Variants in WDPCP observed in about 807,000 individuals in gnomAD.
WDPCP encodes the protein WD repeat-containing and planar cell polarity effector protein fritz homolog.
WDPCP carries 71 observed loss-of-function variants against 93.1 expected under a neutral mutation model. The ratio of observed to expected loss-of-function variants is 0.76; its 90% CI spans 0.63 to 0.93. The LOEUF is 0.93. Ranked by LOEUF, WDPCP falls within the 40% of genes least tolerant of loss-of-function variation. WDPCP has a pLI of 0.00. For missense variants in WDPCP, 844 were observed against 887.4 expected, an observed-to-expected ratio of 0.95 and a Z score of 0.62; for synonymous variants, 315 against 315.0, an observed-to-expected ratio of 1.00 and a Z score of 0.00.
At chr2:63,622,675 G>T (rs907373822) in intron 3 of WDPCP, 1 of 1,613,714 alleles carries the variant, frequency 6.2e-7, no homozygotes, top group African/African-American at 1.3e-5. Flanking sequence ...AGGAGTCGCC[G>T]GGACAGCAGT....
chr2:63,343,685 C>A (rs896330534), intron 12 of WDPCP, among the ~76,000 whole-genome samples: 1 of 152,044 alleles, frequency 6.6e-6, no homozygotes, highest in Non-Finnish European at 1.5e-5. Flanking sequence ...CATATACAGA[C>A]TCTGTTCATT....
chr2:63,423,723 G>A (rs1244037393), intron 9 of WDPCP, among the ~76,000 whole-genome samples: 1 of 152,112 alleles, frequency 6.6e-6, no homozygotes, highest in Non-Finnish European at 1.5e-5. Context: ...GATAAAAGTT[G>A]GTTCAAGCTG....
chr2:63,303,447 G>C (rs1304980560), intron 13 of WDPCP, among the ~76,000 whole-genome samples: 1 of 152,140 alleles, frequency 6.6e-6, no homozygotes, highest in African/African-American at 2.4e-5. Flanking sequence ...CCAGGTATTT[G>C]ACTGATACGC....
intron 2 of WDPCP, among the ~76,000 whole-genome samples, chr2:63,774,384 C>G (rs1204121362): frequency 6.6e-6 from 1 of 152,042 alleles, no homozygotes; most frequent in Non-Finnish European, 1.5e-5. Flanking sequence ...TCTAAACTCC[C>G]TAGTATCAAT....
At chr2:63,491,127 A>G (rs1700849687) in intron 2 of WDPCP, among the ~76,000 whole-genome samples, 1 of 152,194 alleles carries the variant, frequency 6.6e-6, no homozygotes, top group Non-Finnish European at 1.5e-5. Context: ...AGAGACCTGT[A>G]TAACTTCAAA....
At chr2:63,480,405 CA>C (rs1283511013) in intron 6 of WDPCP, among the ~76,000 whole-genome samples, 1 of 151,886 alleles carries the variant, frequency 6.6e-6, no homozygotes, top group Admixed American at 6.6e-5. Context: ...CATATGGAAC[CA>C]AAAAAGGGCC....
At chr2:63,259,266 G>T in intron 14 of WDPCP, 41 bp downstream of exon 14, 2 of 1,493,456 alleles carry the variant, frequency 1.3e-6, no homozygotes, top group South Asian at 2.3e-5. Flanking sequence ...ACTAACTATT[G>T]ATTAAAATAA....
chr2:63,290,382 G>GT (rs1684319311), intron 13 of WDPCP, among the ~76,000 whole-genome samples: 1 of 151,926 alleles, frequency 6.6e-6, no homozygotes, highest in South Asian at 2.1e-4. Flanking sequence ...TGATGTTGCT[G>GT]TTATTCATTT....
chr2:63,381,817 T>A, intron 11 of WDPCP, 89 bp downstream of exon 11: 1 of 1,367,808 alleles, frequency 7.3e-7, no homozygotes, highest in South Asian at 1.2e-5. Context: ...TCCAATACCA[T>A]GACTCAAAAA....
At chr2:63,623,725 C>A (rs888530719) in intron 3 of WDPCP, among the ~76,000 whole-genome samples, 7 of 152,122 alleles carry the variant, frequency 4.6e-5, no homozygotes, top group Admixed American at 2.0e-4. Context: ...TAGACTCCCA[C>A]ACAATAATAG....
In WDPCP at chr2:63,539,936, G is replaced by A. The variant is rs147203720; in HGVS notation, c.76-46996C>T. Among the ~76,000 whole-genome samples the A allele has an allele frequency of 6.7e-3, 1,023 of 151,982 alleles. 10 individuals carry two copies. The highest frequency in any genetic ancestry group is 0.011 in the Non-Finnish European group (764 of 67,946). ...CTTTAGTACTTAATTTAATAATTTCGCCATTCTCATTGGAATGTTAAATAA... is the reference window on the plus strand; with the variant it reads ...CTTTAGTACTTAATTTAATAATTTCACCATTCTCATTGGAATGTTAAATAA... On this transcript the variant is annotated intron_variant, in intron 1 of 17. Transcript: ENST00000272321.
chr2:63,660,793 C>T (rs1710217865), intron 2 of WDPCP, among the ~76,000 whole-genome samples: 1 of 152,098 alleles, frequency 6.6e-6, no homozygotes, highest in African/African-American at 2.4e-5. Flanking sequence ...ATTTTAGTAA[C>T]ACAGTATTAT....
chr2:63,128,845 T>G (rs1412305343), intron 17 of WDPCP, among the ~76,000 whole-genome samples: 1 of 152,128 alleles, frequency 6.6e-6, no homozygotes, highest in Non-Finnish European at 1.5e-5. Flanking sequence ...ATTTTGTATT[T>G]TTATTAGAGA....
At chr2:63,481,884 C>A in intron 6 of WDPCP, among the ~76,000 whole-genome samples, 1 of 150,618 alleles carries the variant, frequency 6.6e-6, no homozygotes, top group Non-Finnish European at 1.5e-5. Context: ...CCCCAAAAAC[C>A]TATGGAAATA....
intron 2 of WDPCP, among the ~76,000 whole-genome samples, chr2:63,653,938 CAA>C (rs1222415698): frequency 2.7e-5 from 4 of 149,064 alleles, no homozygotes; most frequent in Non-Finnish European, 5.9e-5. Context: ...ACTAGACATG[CAA>C]AGACACAAGA....
At chr2:63,579,942 T>C (rs1474631923) in intron 1 of WDPCP, among the ~76,000 whole-genome samples, 1 of 152,144 alleles carries the variant, frequency 6.6e-6, no homozygotes, top group East Asian at 1.9e-4. Context: ...ATCAGGAGAA[T>C]GGGTTAATTA....
rs562968236 is a variant in WDPCP at position 63,557,718 on chromosome 2, T to C, written c.75+30479A>G. On this transcript the variant is annotated intron_variant, in intron 1 of 17. Transcript: ENST00000272321. ...ACATTCTTCTCGGTGCCACATTCAC[T>C]TACTCTAAAATCTATCACATAATTG... Among the ~76,000 whole-genome samples the C allele has an allele frequency of 1.5e-3, 225 of 152,142 alleles. 7 individuals are homozygous for C. In the South Asian group the frequency reaches 0.045, roughly 30 times the overall value.
At chr2:63,357,504 T>C (rs994381287) in intron 12 of WDPCP, among the ~76,000 whole-genome samples, 3 of 151,936 alleles carry the variant, frequency 2.0e-5, no homozygotes, top group African/African-American at 7.3e-5. Flanking sequence ...AAGAAGCATA[T>C]GAAAAAAAGC....
chr2:63,385,008 T>G (rs1380880296), intron 10 of WDPCP, among the ~76,000 whole-genome samples: 1 of 152,038 alleles, frequency 6.6e-6, no homozygotes, highest in Non-Finnish European at 1.5e-5. Context: ...AAATGCAAGG[T>G]TGCTTAAACA....
Sources: allele counts gnomAD v4.1 joint callset (sites outside exome capture counted in the v4.1 genomes callset), GRCh38; gene constraint gnomAD v4.1.1; transcripts MANE v1.5; gene names NCBI Gene and HGNC (gene_info 2026-07-23, HGNC 2026-07-21).